Variants in NOS1 observed in about 807,000 individuals in gnomAD.
The protein encoded by NOS1 is NOS type I.
A neutral mutation model predicts 164.5 loss-of-function variants in NOS1; 51 were observed. That is an observed-to-expected ratio of 0.31 (90% CI 0.25 to 0.39). The LOEUF (loss-of-function observed/expected upper bound fraction) is 0.39, where lower values mean the gene tolerates loss of function less well. NOS1 is among the 10% of genes least tolerant of loss of function. The pLI is 1.00. For missense variants in NOS1, 1,362 were observed against 1,885.6 expected (o/e 0.72, Z 5.14); for synonymous variants, 719 against 745.8 (o/e 0.96, Z 0.59).
At chr12:117,290,157 A>T in intron 4 of NOS1, 141 bp downstream of exon 4, 1 of 900,828 alleles carries the variant, frequency 1.1e-6, no homozygotes, top group Non-Finnish European at 1.6e-6. Flanking sequence ...GGGCGTACTG[A>T]CATCTAGGGG....
At chr12:117,360,261 G>T (rs1053004911) in intron 1 of NOS1, among the ~76,000 whole-genome samples, 2 of 152,058 alleles carry the variant, frequency 1.3e-5, no homozygotes, top group Non-Finnish European at 2.9e-5. Flanking sequence ...ACAGTGCCCT[G>T]GGGGTGGGGG....
In NOS1 at chr12:117,356,412, C is replaced by T. The variant is rs2136098634; in HGVS notation, c.-421+5100G>A. ...TTTGATGCTACCTCCTCTGAGAAGTCCTCCCTGATTCCTTCAACCACCTGT... is the reference window on the plus strand; with the variant it reads ...TTTGATGCTACCTCCTCTGAGAAGTTCTCCCTGATTCCTTCAACCACCTGT... On this transcript the variant is annotated intron_variant, in intron 1 of 28. Coordinates refer to ENST00000317775, the MANE Select transcript of NOS1 (RefSeq NM_000620.5). This position sits in a 1 kb window ranked among gnomAD's most constrained non-coding sequence, Gnocchi z 4.2. Among the ~76,000 whole-genome samples the T allele has an allele frequency of 6.6e-6, 1 of 152,296 alleles. No individual in the cohort carries two copies.
chr12:117,225,109 G>C lies in NOS1; in HGVS notation c.3733C>G (p.Pro1245Ala), dbSNP rs369249262. ...CCAACGAGGATGCAGGGGACTTGGGGGTTCCGGGGCAGGTGGAAGCTGGGT... is the reference window on the plus strand; with the variant it reads ...CCAACGAGGATGCAGGGGACTTGGGCGTTCCGGGGCAGGTGGAAGCTGGGT... The part of the protein sequence containing the change: ...GAPSFHLPRN[P>A]QVPCILVGPG... The change falls in exon 25 of 29, where the codon CCC (proline) becomes GCC (alanine). Residue 1245 changes from proline to alanine, a missense_variant. Transcript: ENST00000317775. The C allele has an allele frequency of 1.9e-6, 3 of 1,613,782 alleles. No individual in the cohort carries two copies. The African/African-American group carries it at 4.0e-5, about 22-fold the overall frequency.
At chr12:117,254,780 T>C (rs979103539) in intron 16 of NOS1, among the ~76,000 whole-genome samples, 1 of 152,224 alleles carries the variant, frequency 6.6e-6, no homozygotes, top group African/African-American at 2.4e-5. Context: ...GGTTAGTGGC[T>C]GCTATAGTGG....
Position 117,210,396 on chromosome 12 carries a change from C to T in NOS1, c.*4913G>A. On this transcript the variant is annotated 3_prime_UTR_variant, in exon 29 of 29. Transcript: ENST00000317775. ...TAGTGTTTCTCTCTCCTTGTTGCTTCCTGGCAGTCTCAGACTACATTCCTG... is the reference window on the plus strand; with the variant it reads ...TAGTGTTTCTCTCTCCTTGTTGCTTTCTGGCAGTCTCAGACTACATTCCTG... 1.0e-6 allele frequency: 1 copy of T among 985,372 alleles called. No individual in the cohort carries two copies. 61.0% of individuals were successfully genotyped at this position (985,372 alleles called of 1,614,324 possible).
At chr12:117,334,226 G>C (rs934165004) in intron 1 of NOS1, among the ~76,000 whole-genome samples, 11 of 152,278 alleles carry the variant, frequency 7.2e-5, no homozygotes, top group African/African-American at 2.6e-4. Context: ...CTGGTGCTTG[G>C]GAAATTGGTG....
chr12:117,284,186 G>A (rs149216497), intron 7 of NOS1, among the ~76,000 whole-genome samples: 1 of 152,192 alleles, frequency 6.6e-6, no homozygotes, highest in African/African-American at 2.4e-5. Flanking sequence ...AAGCCCGGGC[G>A]CTTGTGGGAA....
rs1410690110 is a variant in NOS1 at position 117,226,700 on chromosome 12, G to A, written c.3687C>T (p.Val1229=). ...WLNRIQADEL[V]PCFVRGAPSF... is the part of the protein sequence containing the mutation. Reference sequence around the variant, plus strand: ...TTACTCACCCTCTCACGAAACAGGGGACCAGTTCGTCAGCCTGTATCCGGT... The same window carrying A: ...TTACTCACCCTCTCACGAAACAGGGAACCAGTTCGTCAGCCTGTATCCGGT... Residue 1229 remains valine, a synonymous_variant, in exon 24 of 29, where the codon GTC becomes GTT. Transcript: ENST00000317775. The A allele has an allele frequency of 6.8e-6, 11 of 1,613,870 alleles. No individual in the cohort carries two copies. Among genetic ancestry groups the A allele is most frequent in the Non-Finnish European group, 9.3e-6 (11 of 1,179,872 alleles).
At chr12:117,233,536 G>C (rs1478097387) in intron 21 of NOS1, among the ~76,000 whole-genome samples, 2 of 151,792 alleles carry the variant, frequency 1.3e-5, no homozygotes, top group East Asian at 3.9e-4. Flanking sequence ...GCCGGGTGCG[G>C]TGGCTCATGC....
chr12:117,258,253 G>T, intron 16 of NOS1, 144 bp downstream of exon 16: 1 of 777,846 alleles, frequency 1.3e-6, no homozygotes, highest in Non-Finnish European at 2.2e-6. Flanking sequence ...GTAGACTGCA[G>T]ACACCTCACA....
intron 20 of NOS1, among the ~76,000 whole-genome samples, chr12:117,242,019 C>G (rs1870217959): frequency 6.6e-6 from 1 of 152,096 alleles, no homozygotes; most frequent in Admixed American, 6.5e-5. Flanking sequence ...ATTTCCAGGT[C>G]TTTCATTTGG....
At chr12:117,256,231 A>G (rs1311608033) in intron 16 of NOS1, among the ~76,000 whole-genome samples, 1 of 150,658 alleles carries the variant, frequency 6.6e-6, no homozygotes, top group Non-Finnish European at 1.5e-5. Flanking sequence ...TATCAAACTT[A>G]TGTGAATACG....
intron 3 of NOS1, among the ~76,000 whole-genome samples, chr12:117,299,402 G>T (rs1873648481): frequency 1.3e-5 from 2 of 152,048 alleles, no homozygotes; most frequent in Non-Finnish European, 2.9e-5. Context: ...ACTTTGGGAG[G>T]CCGAGGTGGG....
intron 16 of NOS1, chr12:117,255,887 G>GCATGCATA: frequency 8.5e-7 from 1 of 1,172,228 alleles, no homozygotes. Context: ...CATTGGGTGT[G>GCATGCATA]CATGCATACA....
Position 117,211,059 on chromosome 12 carries a change from C to T in NOS1, c.*4250G>A, listed in dbSNP as rs1449075218. On this transcript the variant is annotated 3_prime_UTR_variant, in exon 29 of 29. Transcript: ENST00000317775. ...GCAGCCTCCACCTCCTGGGCTCAAG[C>T]GATCCTCCTTCCTCAGCCTCCCAGG... 4.1e-5 allele frequency: 26 copies of T among 641,610 alleles called. No homozygotes were observed. Among genetic ancestry groups the T allele is most frequent in the South Asian group, 3.5e-4 (5 of 14,330 alleles). 39.7% of individuals were successfully genotyped at this position (641,610 alleles called of 1,614,324 possible). A position where few individuals can be genotyped will look rare whatever the true frequency, so the allele number is the denominator to read the frequency against.
At chr12:117,339,587 G>A (rs144123395) in intron 1 of NOS1, among the ~76,000 whole-genome samples, 72 of 152,228 alleles carry the variant, frequency 4.7e-4, no homozygotes, top group African/African-American at 1.7e-3. Flanking sequence ...TTCTTTGCAG[G>A]GTTCTGAATA....
intron 9 of NOS1, among the ~76,000 whole-genome samples, chr12:117,275,625 C>A (rs1193526480): frequency 1.3e-5 from 2 of 152,022 alleles, no homozygotes; most frequent in African/African-American, 4.8e-5. Context: ...TATACATTTT[C>A]AAATAGCTAG....
In NOS1 at chr12:117,211,931, G is replaced by C. The variant is rs1188320779; in HGVS notation, c.*3378C>G. The stretch of plus-strand genomic sequence containing the variant: ...AATACAAAACTTAGCTGGGCGTGGT[G>C]GTAGGCGCCTGTAGTCCCAGTTACT... On this transcript the variant is annotated 3_prime_UTR_variant, in exon 29 of 29. Transcript: ENST00000317775. 3 of 656,706 alleles carry C rather than the reference G, an allele frequency of 4.6e-6. No homozygotes were observed. The Admixed American group carries it at 1.9e-4, about 42-fold the overall frequency. The allele number at this position is 656,706 out of a possible 1,614,324, so 40.7% of individuals were successfully genotyped here. A position where few individuals can be genotyped will look rare whatever the true frequency, so the allele number is the denominator to read the frequency against.
At chr12:117,317,363 C>G (rs911112816) in intron 2 of NOS1, among the ~76,000 whole-genome samples, 1 of 150,900 alleles carries the variant, frequency 6.6e-6, no homozygotes, top group African/African-American at 2.4e-5. Context: ...TTCCCCACTA[C>G]TGGTATTTTG....
Sources: gnomAD v4.1 joint callset for allele counts (sites outside exome capture counted in the v4.1 genomes callset) on GRCh38, gnomAD v4.1.1 for gene constraint, Gnocchi (gnomAD v3.1) non-coding constraint, MANE v1.5 for transcripts, NCBI Gene and HGNC (gene_info 2026-07-23, HGNC 2026-07-21) for gene names.